CHIC1: variants seen among roughly 807,000 people sequenced by gnomAD.
CHIC1 encodes the protein cysteine rich hydrophobic domain 1, also known as cysteine-rich hydrophobic domain-containing protein 1.
A neutral mutation model predicts 18.5 loss-of-function variants in CHIC1; 7 were observed. That is an observed-to-expected ratio of 0.38 (90% confidence interval 0.22 to 0.71). CHIC1 has a LOEUF of 0.71. Among genes scored for constraint, CHIC1 ranks in the 30% least tolerant of loss-of-function variants. The pLI is 0.49. For missense variants in CHIC1, 159 were observed against 176.9 expected (o/e 0.90, Z 0.57); for synonymous variants, 77 against 73.5 (o/e 1.05, Z -0.25).
intron 3 of CHIC1, among the ~76,000 whole-genome samples, chrX:73,676,810 G>A (rs907957770): frequency 9.7e-6 from 1 of 103,034 alleles, no homozygotes; most frequent in Non-Finnish European, 1.9e-5. Context: ...GAGGTGCTCT[G>A]ATTTTTACAG....
At chrX:73,640,594 T>G (rs1046934286) in intron 3 of CHIC1, among the ~76,000 whole-genome samples, 3 of 111,834 alleles carry the variant, frequency 2.7e-5, no homozygotes, top group Non-Finnish European at 5.6e-5. Context: ...GATGAGTGTG[T>G]GTAGGAATTT....
chrX:73,635,105 A>G (rs2057825883), intron 3 of CHIC1, among the ~76,000 whole-genome samples: 1 of 110,114 alleles, frequency 9.1e-6, no homozygotes, highest in Non-Finnish European at 1.9e-5. Context: ...TTACTCTTTA[A>G]TTTTTCAAAT....
chrX:73,600,543 AG>A (rs1376677894), intron 3 of CHIC1, among the ~76,000 whole-genome samples: 2 of 108,174 alleles, frequency 1.8e-5, no homozygotes, highest in Non-Finnish European at 3.8e-5. Flanking sequence ...TTTAGCATGA[AG>A]GGTTGTTGAA....
At chrX:73,637,936 G>A (rs1030856638) in intron 3 of CHIC1, among the ~76,000 whole-genome samples, 2 of 110,609 alleles carry the variant, frequency 1.8e-5, no homozygotes, top group African/African-American at 6.6e-5. Flanking sequence ...CTGTTATCTC[G>A]TTGTTGTTGA....
chrX:73,627,137 CAAAAAA>C lies in CHIC1; in HGVS notation c.507+42581_507+42586del, dbSNP rs759306668. Among the ~76,000 whole-genome samples the C allele has an allele frequency of 5.4e-4, 31 of 56,983 alleles. 1 individual carries two copies. The highest frequency in any genetic ancestry group is 1.6e-3 in the African/African-American group (27 of 17,139). 49.5% of individuals were successfully genotyped at this position (56,983 alleles called of 115,157 possible). A position where few individuals can be genotyped will look rare whatever the true frequency, so the allele number is the denominator to read the frequency against. ...CTCTTCTTCTTTCTTTAAGTTCTCC[CAAAAAA>C]AAAAAAAAAAAAAAAGAGTCTTTCT... On this transcript the variant is annotated intron_variant, in intron 3 of 5. Transcript: ENST00000373502.
chrX:73,577,058 C>A (rs1486418106), intron 1 of CHIC1, among the ~76,000 whole-genome samples: 1 of 110,044 alleles, frequency 9.1e-6, no homozygotes. Context: ...AATCCAGCTC[C>A]AACAGTTATC....
chrX:73,637,128 G>A (rs145661121), intron 3 of CHIC1, among the ~76,000 whole-genome samples: 3,628 of 110,329 alleles, frequency 0.033, 166 homozygotes, highest in African/African-American at 0.11. Context: ...TATTTTTGAA[G>A]GAAAGTTTTG....
At chrX:73,628,856 A>G (rs1335142187) in intron 3 of CHIC1, among the ~76,000 whole-genome samples, 2 of 111,100 alleles carry the variant, frequency 1.8e-5, no homozygotes, top group African/African-American at 3.3e-5. Context: ...GGAGCCTTCT[A>G]TTGTGCCATT....
At chrX:73,673,291 C>A (rs371920812) in intron 3 of CHIC1, among the ~76,000 whole-genome samples, 9 of 111,490 alleles carry the variant, frequency 8.1e-5, no homozygotes, top group African/African-American at 1.3e-4. Flanking sequence ...GAAGAAAGTC[C>A]TTGGTAACTT....
chrX:73,673,645 T>G (rs1253331140), intron 3 of CHIC1, among the ~76,000 whole-genome samples: 1 of 112,087 alleles, frequency 8.9e-6, no homozygotes, highest in Non-Finnish European at 1.9e-5. Context: ...GAGGAGATTT[T>G]GGGCTGAGAC....
rs1377993140 is a variant in CHIC1 at position 73,685,141 on chromosome X, G to T, written c.*4136G>T. 1 of 111,636 alleles carries T rather than the reference G, an allele frequency of 9.0e-6. No individual in the cohort carries two copies. Among genetic ancestry groups the T allele is most frequent in the African/African-American group, 3.2e-5 (1 of 30,808 alleles). The allele number at this position is 111,636 out of a possible 1,213,427, so 9.2% of individuals were successfully genotyped here. On this transcript the variant is annotated 3_prime_UTR_variant, in exon 6 of 6. Transcript: ENST00000373502. ...TAGAATCTCAGAATGATTATTCTCA[G>T]ATCTACTGTCCTTGGTGGAAACTCT...
At chrX:73,613,109 T>C (rs979977535) in intron 3 of CHIC1, among the ~76,000 whole-genome samples, 1 of 112,387 alleles carries the variant, frequency 8.9e-6, no homozygotes, top group Non-Finnish European at 1.9e-5. Context: ...AAAGTTTGTT[T>C]TATCTGATGT....
chrX:73,610,063 G>A (rs1463630826), intron 3 of CHIC1, among the ~76,000 whole-genome samples: 4 of 107,848 alleles, frequency 3.7e-5, no homozygotes, highest in African/African-American at 1.4e-4. Context: ...CAAGCCTCTG[G>A]AAGTATCATT....
At chrX:73,563,648 G>C (rs1313156018) in intron 1 of CHIC1, 68 bp downstream of exon 1, 7 of 977,881 alleles carry the variant, frequency 7.2e-6, no homozygotes, top group Non-Finnish European at 9.2e-6. Context: ...AGAAGTGATC[G>C]AGGGGCCTGT....
chrX:73,656,796 G>A (rs2057951571), intron 3 of CHIC1, among the ~76,000 whole-genome samples: 1 of 111,728 alleles, frequency 9.0e-6, no homozygotes, highest in Non-Finnish European at 1.9e-5. Context: ...CTCTTTTTTT[G>A]TGTCATATGA....
At chrX:73,565,199 G>C (rs2057439631) in intron 1 of CHIC1, among the ~76,000 whole-genome samples, 1 of 111,214 alleles carries the variant, frequency 9.0e-6, no homozygotes, top group South Asian at 3.8e-4. Flanking sequence ...TAATTATGAT[G>C]GCTGGTACCA....
At chrX:73,630,104 G>T (rs982933450) in intron 3 of CHIC1, among the ~76,000 whole-genome samples, 1 of 111,424 alleles carries the variant, frequency 9.0e-6, no homozygotes, top group Non-Finnish European at 1.9e-5. Context: ...TGTTGTTTTT[G>T]TATTCAAACC....
chrX:73,675,438 A>C (rs2058056620), intron 3 of CHIC1, among the ~76,000 whole-genome samples: 1 of 112,089 alleles, frequency 8.9e-6, no homozygotes, highest in Non-Finnish European at 1.9e-5. Context: ...ATATATATTT[A>C]GGATAGTTAG....
chrX:73,584,533 G>T lies in CHIC1; in HGVS notation c.468G>T (p.Leu156=), dbSNP rs1471317219. Residue 156 remains leucine (L), a synonymous_variant, in exon 3 of 6, where the codon CTG becomes CTT. Coordinates refer to ENST00000373502, the MANE Select transcript of CHIC1 (RefSeq NM_001039840.4). ...LCGCLCCCCT[L]GCSLWPVICL... The stretch of plus-strand genomic sequence containing the variant: ...GTTGTCTCTGCTGCTGTTGCACACT[G>T]GGTTGCAGCCTATGGCCTGTTATTT... 2.6e-6 allele frequency: 3 copies of T among 1,164,188 alleles called. No individual in the cohort carries two copies. Among genetic ancestry groups the T allele is most frequent in the Non-Finnish European group, 2.3e-6 (2 of 870,535 alleles).
Sources: gnomAD v4.1 joint callset for allele counts (sites outside exome capture counted in the v4.1 genomes callset) on GRCh38, gnomAD v4.1.1 for gene constraint, MANE v1.5 for transcripts, NCBI Gene and HGNC (gene_info 2026-07-23, HGNC 2026-07-21) for gene names.